The following PVT1 variants were observed in gnomAD, a reference collection of about 807,000 sequenced individuals.
The protein encoded by PVT1 is Pvt1 oncogene.
chr8:128,004,244 C>G (rs1817220235), intron 4 of PVT1, among the ~76,000 whole-genome samples: 1 of 152,178 alleles, frequency 6.6e-6, no homozygotes, highest in African/African-American at 2.4e-5. Context: ...ATCCCCTTGA[C>G]TCTTGTGAAT....
In PVT1 at chr8:127,796,621, A is replaced by G. The variant is rs1326224627; in HGVS notation, n.372+550A>G. On this transcript the variant is annotated intron_variant and non_coding_transcript_variant, in intron 2 of 10. Coordinates refer to ENST00000651587, the Ensembl canonical transcript of PVT1. ...CAAGAGATCTCCTGGACTATAAGAC[A>G]CCCTGTTCTTTCCTCCTGTTTGTGT... Among the ~76,000 whole-genome samples, 4 of 152,028 alleles carry G rather than the reference A, an allele frequency of 2.6e-5. No individual in the cohort carries two copies. In the East Asian group the frequency reaches 7.7e-4, roughly 29 times the overall value.
chr8:128,025,250 C>T (rs1285982662), intron 4 of PVT1, among the ~76,000 whole-genome samples: 1 of 152,160 alleles, frequency 6.6e-6, no homozygotes, highest in Non-Finnish European at 1.5e-5. Context: ...CGTCATTGCA[C>T]CCTGGGTGTT....
chr8:128,067,649 C>G (rs1813926371), intron 4 of PVT1, among the ~76,000 whole-genome samples: 1 of 152,114 alleles, frequency 6.6e-6, no homozygotes, highest in Admixed American at 6.5e-5. Flanking sequence ...GGGATTAACC[C>G]AACAGAGGAG....
intron 3 of PVT1, among the ~76,000 whole-genome samples, chr8:127,924,895 A>G (rs1816110692): frequency 6.6e-6 from 1 of 151,920 alleles, no homozygotes; most frequent in Non-Finnish European, 1.5e-5. Context: ...CGATCCACCC[A>G]CCTCGGCCTC....
intron 5 of PVT1, among the ~76,000 whole-genome samples, chr8:128,086,380 G>A (rs980688970): frequency 3.9e-5 from 6 of 152,118 alleles, no homozygotes; most frequent in African/African-American, 9.7e-5. Context: ...CAGTTAGTAC[G>A]GCTGCCCCAA....
intron 5 of PVT1, among the ~76,000 whole-genome samples, chr8:128,085,318 A>T (rs1814242590): frequency 6.6e-6 from 1 of 152,174 alleles, no homozygotes; most frequent in Non-Finnish European, 1.5e-5. Context: ...GAAAACTCCA[A>T]GTGAGAAGCA....
chr8:127,904,911 G>A (rs1017409804), intron 3 of PVT1, among the ~76,000 whole-genome samples: 1 of 152,228 alleles, frequency 6.6e-6, no homozygotes. Flanking sequence ...CAGGAGCCCT[G>A]TGTGCCTGCA....
intron 3 of PVT1, among the ~76,000 whole-genome samples, chr8:127,937,548 G>GACACACACACACACACAC (rs35147410): frequency 1.8e-3 from 221 of 122,656 alleles, no homozygotes; most frequent in African/African-American, 7.2e-3. Flanking sequence ...TAGGGAAAAA[G>GACACACACACACACACAC]ACACACACAC....
intron 3 of PVT1, chr8:127,939,749 C>T (rs1816325538): frequency 6.6e-6 from 1 of 152,184 alleles, no homozygotes; most frequent in Non-Finnish European, 1.5e-5. Context: ...TAAGACCAGA[C>T]CTAAGGGTCT....
intron 4 of PVT1, among the ~76,000 whole-genome samples, chr8:128,000,166 G>C (rs1025162743): frequency 4.6e-5 from 7 of 152,160 alleles, no homozygotes; most frequent in Non-Finnish European, 1.0e-4. Context: ...ACTGCTCCTA[G>C]AACCCCTTGG....
intron 4 of PVT1, among the ~76,000 whole-genome samples, chr8:128,006,088 G>A (rs906729797): frequency 2.7e-5 from 4 of 146,022 alleles, no homozygotes; most frequent in Non-Finnish European, 6.0e-5. Context: ...CAGTGACAGA[G>A]TGAGACCTTG....
chr8:128,069,895 A>T (rs1563679980), intron 4 of PVT1, among the ~76,000 whole-genome samples: 1 of 151,628 alleles, frequency 6.6e-6, no homozygotes, highest in Non-Finnish European at 1.5e-5. Flanking sequence ...ATCATCATTG[A>T]TCTCTACCAG....
intron 4 of PVT1, among the ~76,000 whole-genome samples, chr8:127,995,765 T>C (rs1817097199): frequency 6.6e-6 from 1 of 152,166 alleles, no homozygotes. Context: ...CATTATATGA[T>C]GTCATTTACT....
intron 3 of PVT1, among the ~76,000 whole-genome samples, chr8:127,937,450 T>C (rs1816289698): frequency 1.3e-5 from 2 of 151,638 alleles, no homozygotes; most frequent in Admixed American, 1.3e-4. Context: ...GGTTTTGCCA[T>C]GTAGGTCAGG....
At chr8:128,027,785 G>A (rs1238841235) in intron 4 of PVT1, among the ~76,000 whole-genome samples, 1 of 152,188 alleles carries the variant, frequency 6.6e-6, no homozygotes, top group Non-Finnish European at 1.5e-5. Context: ...TGGATGAATG[G>A]AGAAATGACT....
At chr8:128,083,313 A>C (rs1333279521) in intron 5 of PVT1, among the ~76,000 whole-genome samples, 3 of 152,244 alleles carry the variant, frequency 2.0e-5, no homozygotes, top group East Asian at 3.8e-4. Context: ...TTGTCAAAGT[A>C]AAATTAAAAG....
intron 4 of PVT1, among the ~76,000 whole-genome samples, chr8:128,049,686 C>T (rs866902019): frequency 1.6e-4 from 24 of 152,210 alleles, no homozygotes; most frequent in African/African-American, 3.6e-4. Context: ...GGAAGGCAGG[C>T]GGGGAGTGAG....
chr8:127,933,169 G>A (rs557409625), intron 3 of PVT1, among the ~76,000 whole-genome samples: 15 of 152,172 alleles, frequency 9.9e-5, no homozygotes, highest in East Asian at 1.9e-4. Context: ...TCTGCCTCCC[G>A]GGTTCAAGCG....
chr8:127,984,480 A>G (rs1816921601), intron 3 of PVT1, among the ~76,000 whole-genome samples: 1 of 152,192 alleles, frequency 6.6e-6, no homozygotes, highest in African/African-American at 2.4e-5. Flanking sequence ...AAGGACAACA[A>G]TTAGACCCTG....
Sources: allele counts gnomAD v4.1 joint callset (sites outside exome capture counted in the v4.1 genomes callset), GRCh38; gene constraint gnomAD v4.1.1; transcripts MANE v1.5; gene names NCBI Gene and HGNC (gene_info 2026-07-23, HGNC 2026-07-21).